The following ITGAL variants were observed in gnomAD, a reference collection of about 807,000 sequenced individuals.
ITGAL encodes the protein integrin alpha-L.
Under a neutral mutation model 138.4 loss-of-function variants are expected in ITGAL, and 68 were observed. That is an observed-to-expected ratio of 0.49 (90% CI 0.40 to 0.60). The LOEUF (loss-of-function observed/expected upper bound fraction) is 0.60, where lower values mean the gene tolerates loss of function less well. Ranked by LOEUF, ITGAL falls within the 20% of genes least tolerant of loss-of-function variation. The pLI is 0.00. For synonymous variants in ITGAL, 561 were observed against 584.3 expected (o/e 0.96, Z 0.57); for missense variants, 1,256 against 1,478.6 (o/e 0.85, Z 2.47).
At chr16:30,519,684 A>G in intron 29 of ITGAL, 173 bp from the exon 30 acceptor site, 1 of 634,594 alleles carries the variant, frequency 1.6e-6, no homozygotes, top group African/African-American at 1.8e-5. Flanking sequence ...GTGTTGGCCA[A>G]CTCATGGCAG....
intron 4 of ITGAL, among the ~76,000 whole-genome samples, chr16:30,476,935 CTTTA>C (rs2050480685): frequency 6.6e-6 from 1 of 152,102 alleles, no homozygotes; most frequent in African/African-American, 2.4e-5. Context: ...CACCTGGTCA[CTTTA>C]TTTCTTTTAA....
At chr16:30,500,278 G>A (rs1397749866) in intron 17 of ITGAL, among the ~76,000 whole-genome samples, 1 of 150,004 alleles carries the variant, frequency 6.7e-6, no homozygotes, top group Non-Finnish European at 1.5e-5. Flanking sequence ...TAGAGTTGGG[G>A]TTTCACCATG....
In ITGAL at chr16:30,506,776, T is replaced by A. The variant is rs376301659; in HGVS notation, c.2428T>A (p.Leu810Met). ...CTCTGTGGAGCTGAGCCTGAGTAAC[T>A]TGGAAGAAGATGCTTACTGGGTCCA... ...SLSVELSLSN[L>M]EEDAYWVQLD... The change falls in exon 21 of 31, where the codon TTG (leucine) becomes ATG (methionine). Residue 810 changes from leucine (L) to methionine (M), a missense_variant. Around this residue, in one of 3 missense-constraint regions of ITGAL, gnomAD observed 867 missense variants for 972.5 expected, o/e 0.89. Coordinates refer to ENST00000356798, the MANE Select transcript of ITGAL (RefSeq NM_002209.3). 1 of 1,613,816 alleles carries A rather than the reference T, an allele frequency of 6.2e-7. No homozygotes were observed. Among genetic ancestry groups the A allele is most frequent in the African/African-American group, 1.3e-5 (1 of 74,870 alleles).
chr16:30,496,257 A>C lies in ITGAL; in HGVS notation c.1664A>C (p.Asn555Thr). 6.2e-7 allele frequency: 1 copy of C among 1,605,296 alleles called. No individual in the cohort carries two copies. Among genetic ancestry groups the C allele is most frequent in the Non-Finnish European group, 8.5e-7 (1 of 1,175,132 alleles). Reference protein sequence around the residue: ...LEEQGAVYIFNGRHGGLSPQP... With the variant: ...LEEQGAVYIFTGRHGGLSPQP... ...GAGCAGGGGGCTGTGTACATCTTCA[A>C]TGGGAGGCACGGGGGGCTTAGTCCC... Residue 555 changes from asparagine (N) to threonine (T), a missense_variant, in exon 14 of 31, where the codon AAT becomes ACT. Coordinates refer to ENST00000356798, the MANE Select transcript of ITGAL (RefSeq NM_002209.3).
rs779886749 is a variant in ITGAL, at chr16:30,511,108, C to T, written c.2758C>T (p.Leu920=). 6.2e-7 allele frequency: 1 copy of T among 1,613,782 alleles called. No individual in the cohort carries two copies. Among genetic ancestry groups the T allele is most frequent in the Non-Finnish European group, 8.5e-7 (1 of 1,179,730 alleles). The change falls in exon 24 of 31, where the codon CTG becomes TTG. Residue 920 remains leucine (L), a synonymous_variant. Transcript: ENST00000356798. ...DNSATTIIPI[L]YPINILIQDQ... ...CTCAGCCACTACCATCATCCCCATC[C>T]TGTACCCCATCAACATCCTCATCCA... is the stretch of plus-strand genomic sequence containing the variant.
intron 15 of ITGAL, 32 bp from the exon 16 acceptor site, chr16:30,499,042 A>G (rs2050845332): frequency 6.2e-7 from 1 of 1,604,916 alleles, no homozygotes; most frequent in African/African-American, 1.3e-5. Context: ...GTTGGGTTGG[A>G]GGGAGAGAGT....
chr16:30,505,458 G>T lies in ITGAL; in HGVS notation c.2362G>T (p.Ala788Ser), dbSNP rs2050972750. 6.2e-7 allele frequency: 1 copy of T among 1,613,022 alleles called. No homozygotes were observed. The highest frequency in any genetic ancestry group is 8.5e-7 in the Non-Finnish European group (1 of 1,179,492). ...EANLRVSFSP[A>S]RSRALRLTAF... Reference sequence around the variant, plus strand: ...AAACTTGAGAGTGTCCTTCTCTCCTGCAAGGTCAGTAAGGCCTCCCACCCT... The same window carrying T: ...AAACTTGAGAGTGTCCTTCTCTCCTTCAAGGTCAGTAAGGCCTCCCACCCT... The change falls in exon 20 of 31, where the codon GCA becomes TCA. Residue 788 changes from alanine (A) to serine (S), a missense_variant. Coordinates refer to ENST00000356798, the MANE Select transcript of ITGAL (RefSeq NM_002209.3).
intron 2 of ITGAL, chr16:30,474,573 C>T: frequency 2.3e-6 from 1 of 426,838 alleles, no homozygotes; most frequent in Admixed American, 3.8e-5. Context: ...TCCTGACACT[C>T]CCTTACTCCC....
At chr16:30,505,071 G>A (rs1178886517) in intron 18 of ITGAL, 173 bp from the exon 19 acceptor site, 70 of 482,180 alleles carry the variant, frequency 1.5e-4, no homozygotes, top group Non-Finnish European at 1.5e-5. Flanking sequence ...ACAAATGGCA[G>A]TAGGCTGAGG....
At chr16:30,518,937 A>G (rs990922082) in intron 29 of ITGAL, among the ~76,000 whole-genome samples, 1 of 152,104 alleles carries the variant, frequency 6.6e-6, no homozygotes, top group African/African-American at 2.4e-5. Context: ...GTAAAGTTCA[A>G]TCGAGGCCGG....
chr16:30,506,450 T>G (rs939205442), intron 20 of ITGAL, among the ~76,000 whole-genome samples: 1 of 148,404 alleles, frequency 6.7e-6, no homozygotes, highest in Non-Finnish European at 1.5e-5. Context: ...TCCCAGCTAC[T>G]CGGGAGGTTG....
chr16:30,473,408 G>A (rs898540059), intron 1 of ITGAL, among the ~76,000 whole-genome samples: 1 of 152,216 alleles, frequency 6.6e-6, no homozygotes, highest in Non-Finnish European at 1.5e-5. Flanking sequence ...ACTCCAGCCT[G>A]GGTGACAGAG....
rs564417091 is a variant in ITGAL, at chr16:30,492,125, T to G, written c.1214-2087T>G. ...GGTGGCTCTTGGCTCTAGCCCAATC[T>G]TGGGTCCAATTTCCTGCAGTGTTTC... On this transcript the variant is annotated intron_variant, in intron 11 of 30. Coordinates refer to ENST00000356798, the MANE Select transcript of ITGAL (RefSeq NM_002209.3). Among the ~76,000 whole-genome samples the G allele has an allele frequency of 5.3e-5, 8 of 152,286 alleles. No individual in the cohort carries two copies. In the South Asian group the frequency reaches 1.7e-3, roughly 32 times the overall value.
intron 2 of ITGAL, chr16:30,474,587 C>T (rs2050441664): frequency 5.3e-6 from 2 of 380,362 alleles, no homozygotes; most frequent in South Asian, 3.2e-5. Context: ...TACTCCCCTG[C>T]GAGCGCCTGG....
chr16:30,482,037 C>T (rs1267688184), intron 7 of ITGAL, among the ~76,000 whole-genome samples: 3 of 152,014 alleles, frequency 2.0e-5, no homozygotes, highest in African/African-American at 7.2e-5. Context: ...GATTACAGAC[C>T]TGTGCCACCA....
At position 30,517,541 on chromosome 16, in the gene ITGAL, G is replaced by GCT. The variant is rs2151207448; in HGVS notation, c.2977-108_2977-107insCT. ...GAATTCAGGTCCTGCTGGACTCAGA[G>GCT]ATGTCTGAACTCACCCAGGGCCAGG... On this transcript the variant is annotated intron_variant, in intron 26 of 30. Coordinates refer to ENST00000356798, the MANE Select transcript of ITGAL (RefSeq NM_002209.3). 4 of 854,070 alleles carry GCT rather than the reference G, an allele frequency of 4.7e-6. No homozygotes were observed. In the South Asian group the frequency reaches 5.5e-5, roughly 12 times the overall value. 52.9% of individuals were successfully genotyped at this position (854,070 alleles called of 1,614,324 possible). A position where few individuals can be genotyped will look rare whatever the true frequency, so the allele number is the denominator to read the frequency against.
At chr16:30,504,012 T>G (rs745668971) in intron 17 of ITGAL, 163 bp from the exon 18 acceptor site, 37 of 607,902 alleles carry the variant, frequency 6.1e-5, no homozygotes, top group Non-Finnish European at 3.0e-6. Flanking sequence ...GGGTGTGCTG[T>G]ACACACCTGC....
chr16:30,482,385 G>A (rs1459875456), intron 7 of ITGAL, among the ~76,000 whole-genome samples: 3 of 152,294 alleles, frequency 2.0e-5, no homozygotes, highest in South Asian at 2.1e-4. Flanking sequence ...GAGATCATGA[G>A]GGTCTGGATG....
At position 30,501,399 on chromosome 16, in the gene ITGAL, A is replaced by T. The variant is rs375112045; in HGVS notation, c.2145+1910A>T. Reference sequence around the variant, plus strand: ...AAGACCAGCCTGGCCAACATGGAGAAACCCCATCTCTACTAAAAATGTACA... The same window carrying T: ...AAGACCAGCCTGGCCAACATGGAGATACCCCATCTCTACTAAAAATGTACA... On this transcript the variant is annotated intron_variant, in intron 17 of 30. Coordinates refer to ENST00000356798, the MANE Select transcript of ITGAL (RefSeq NM_002209.3). Among the ~76,000 whole-genome samples, 11 of 151,880 alleles carry T rather than the reference A, an allele frequency of 7.2e-5. No individual in the cohort carries two copies. In the East Asian group the frequency reaches 1.2e-3, roughly 16 times the overall value.
Sources: allele counts gnomAD v4.1 joint callset (sites outside exome capture counted in the v4.1 genomes callset), GRCh38; gene constraint gnomAD v4.1.1; regional missense constraint gnomAD v4.1.1; transcripts MANE v1.5; gene names NCBI Gene and HGNC (gene_info 2026-07-23, HGNC 2026-07-21).